The following PCDHA2 variants were observed in gnomAD, a reference collection of about 807,000 sequenced individuals.
PCDHA2 encodes protocadherin alpha 2, also known as protocadherin alpha-2.
Under a neutral mutation model 66.0 loss-of-function variants are expected in PCDHA2, and 58 were observed. The ratio of observed to expected loss-of-function variants is 0.88; its 90% confidence interval spans 0.71 to 1.09. PCDHA2 has a LOEUF of 1.09. Ranked by LOEUF, PCDHA2 falls within the 50% of genes least tolerant of loss-of-function variation. PCDHA2 has a pLI of 0.00. For missense variants in PCDHA2, 1,267 were observed against 1,242.3 expected (o/e 1.02, Z -0.30); for synonymous variants, 634 against 554.0 (o/e 1.14, Z -2.03).
chr5:140,795,959 G>A lies in PCDHA2; in HGVS notation c.995G>A (p.Gly332Glu), dbSNP rs782107752. The change falls in exon 1 of 4, where the codon GGA (glycine) becomes GAA (glutamate). Residue 332 changes from glycine (G) to glutamate (E), a missense_variant. Physicochemically the swap from Gly to Glu is moderately conservative, Grantham distance 98. Transcript: ENST00000526136. Reference sequence around the variant, plus strand: ...GACAAAGGAACCCCTTCAATGTCAGGACATTGTAAAATTTCATTAAAACTT... The same window carrying A: ...GACAAAGGAACCCCTTCAATGTCAGAACATTGTAAAATTTCATTAAAACTT... ...ATDKGTPSMS[G>E]HCKISLKLVD... The A allele has an allele frequency of 3.7e-6, 6 of 1,614,018 alleles. No individual in the cohort carries two copies. The highest frequency in any genetic ancestry group is 5.1e-6 in the Non-Finnish European group (6 of 1,179,992).
chr5:140,971,163 T>C (rs2096460132), intron 1 of PCDHA2, among the ~76,000 whole-genome samples: 1 of 152,180 alleles, frequency 6.6e-6, no homozygotes, highest in Non-Finnish European at 1.5e-5. Flanking sequence ...AGGCTCAGCT[T>C]TGCCACCAGC....
At chr5:140,869,849 T>C in intron 1 of PCDHA2, 3 of 1,611,006 alleles carry the variant, frequency 1.9e-6, no homozygotes, top group African/African-American at 1.3e-5. Context: ...GAATATAAGG[T>C]GAGCCTTATG....
At chr5:140,822,161 C>G in intron 1 of PCDHA2, 1 of 1,614,240 alleles carries the variant, frequency 6.2e-7, no homozygotes, top group Non-Finnish European at 8.5e-7. Context: ...AATGACAATC[C>G]GCCCAGGTTC....
chr5:140,907,408 C>T (rs2073363118), intron 1 of PCDHA2, among the ~76,000 whole-genome samples: 1 of 152,118 alleles, frequency 6.6e-6, no homozygotes. Flanking sequence ...TGTGGAATAC[C>T]ACGATGGTGG....
intron 1 of PCDHA2, chr5:140,824,397 TAATTGTAA>T: frequency 1.8e-6 from 1 of 549,260 alleles, no homozygotes; most frequent in Non-Finnish European, 3.2e-6. Context: ...TGTAGGATAA[TAATTGTAA>T]GACATAGTTT....
At chr5:140,948,866 G>A (rs552659179) in intron 1 of PCDHA2, among the ~76,000 whole-genome samples, 32 of 151,022 alleles carry the variant, frequency 2.1e-4, no homozygotes, top group Non-Finnish European at 2.5e-4. Context: ...ATATTACTTC[G>A]GGTTTACTTT....
intron 1 of PCDHA2, among the ~76,000 whole-genome samples, chr5:140,915,554 G>A (rs1276502641): frequency 6.6e-6 from 1 of 152,036 alleles, no homozygotes; most frequent in Non-Finnish European, 1.5e-5. Context: ...ATAAGATCCA[G>A]AATGATTATC....
intron 3 of PCDHA2, among the ~76,000 whole-genome samples, chr5:141,006,429 G>A (rs541690957): frequency 1.3e-5 from 2 of 152,004 alleles, no homozygotes; most frequent in South Asian, 4.2e-4. Context: ...TAGCCAGGAT[G>A]GTCTCAATCT....
chr5:140,798,827 G>A (rs552160606), intron 1 of PCDHA2, among the ~76,000 whole-genome samples: 7 of 152,258 alleles, frequency 4.6e-5, no homozygotes, highest in Admixed American at 3.9e-4. Context: ...AAAGGCAGAT[G>A]TATTGCAATA....
At chr5:140,797,468 G>A (rs997391045) in intron 1 of PCDHA2, 116 bp downstream of exon 1, 6 of 1,229,296 alleles carry the variant, frequency 4.9e-6, no homozygotes, top group African/African-American at 1.5e-5. Flanking sequence ...TCATCCTACC[G>A]TGCGATTTTG....
In PCDHA2 at chr5:140,907,883, G is replaced by A. The variant is rs374762446; in HGVS notation, c.2389-71066G>A. Among the ~76,000 whole-genome samples, 394 of 152,228 alleles carry A rather than the reference G, an allele frequency of 2.6e-3. 2 individuals carry two copies. Among genetic ancestry groups the A allele is most frequent in the African/African-American group, 9.2e-3 (382 of 41,542 alleles). ...CCAGCCGTTGGTGAGCACTCACATG[G>A]GATACAAATATCTTCACAGTTTTTG... On this transcript the variant is annotated intron_variant, in intron 1 of 3. Coordinates refer to ENST00000526136, the MANE Select transcript of PCDHA2 (RefSeq NM_018905.3).
At chr5:140,875,250 C>A in intron 1 of PCDHA2, 1 of 1,016,106 alleles carries the variant, frequency 9.8e-7, no homozygotes, top group Non-Finnish European at 1.4e-6. Context: ...CATAATCAGT[C>A]ACATGATGTC....
At chr5:140,848,948 G>A (rs782183548) in intron 1 of PCDHA2, 1 of 1,607,010 alleles carries the variant, frequency 6.2e-7, no homozygotes, top group African/African-American at 1.4e-5. Flanking sequence ...TTGACTCTCG[G>A]TTTCCACTAG....
intron 1 of PCDHA2, among the ~76,000 whole-genome samples, chr5:140,922,883 T>A (rs963654982): frequency 2.6e-5 from 4 of 152,134 alleles, no homozygotes; most frequent in Admixed American, 2.0e-4. Flanking sequence ...TCCAAAGACA[T>A]CATTCAAGAA....
intron 1 of PCDHA2, chr5:140,929,034 C>T (rs561529051): frequency 2.5e-6 from 4 of 1,614,158 alleles, no homozygotes; most frequent in East Asian, 4.5e-5. Flanking sequence ...CAGGCTGTTG[C>T]GCTCAGAGCT....
chr5:140,807,082 G>C, intron 1 of PCDHA2: 2 of 1,270,088 alleles, frequency 1.6e-6, no homozygotes, highest in East Asian at 2.3e-5. Flanking sequence ...ACACTCTTTG[G>C]AGTCTGAAAT....
At chr5:140,903,570 C>G (rs781884167) in intron 1 of PCDHA2, among the ~76,000 whole-genome samples, 3 of 152,154 alleles carry the variant, frequency 2.0e-5, no homozygotes, top group Non-Finnish European at 4.4e-5. Context: ...GAATTGGGAG[C>G]TGTCTAGCTG....
chr5:140,801,456 A>C, intron 1 of PCDHA2: 1 of 1,613,978 alleles, frequency 6.2e-7, no homozygotes, highest in Non-Finnish European at 8.5e-7. Flanking sequence ...TTTGTTTGTG[A>C]ATTCTCGGAT....
rs1762143203 is a variant in PCDHA2, at chr5:140,796,824, C to G, written c.1860C>G (p.Ile620Met). The change falls in exon 1 of 4, where the codon ATC becomes ATG. Residue 620 changes from isoleucine (I) to methionine (M), a missense_variant. Physicochemically the swap from Ile to Met is conservative, Grantham distance 10. Transcript: ENST00000526136. The stretch of plus-strand genomic sequence containing the variant: ...AGCTGGGTACTGGCAGCGCTCGCAT[C>G]CCGTTCCGCGTGGGGCTATACACGG... ...ELQLGTGSARIPFRVGLYTGE... is the reference protein window; with the variant it reads ...ELQLGTGSARMPFRVGLYTGE... 2 of 1,614,112 alleles carry G rather than the reference C, an allele frequency of 1.2e-6. No homozygotes were observed. Among genetic ancestry groups the G allele is most frequent in the Non-Finnish European group, 1.7e-6 (2 of 1,179,988 alleles).
Sources: gnomAD v4.1 joint callset for allele counts (sites outside exome capture counted in the v4.1 genomes callset) on GRCh38, gnomAD v4.1.1 for gene constraint, MANE v1.5 for transcripts, NCBI Gene and HGNC (gene_info 2026-07-23, HGNC 2026-07-21) for gene names.